Variants in PDE1C observed in about 807,000 individuals in gnomAD.
PDE1C encodes phosphodiesterase 1C, also known as dual specificity calcium/calmodulin-dependent 3',5'-cyclic nucleotide phosphodiesterase 1C.
Under a neutral mutation model 93.1 loss-of-function variants are expected in PDE1C, and 62 were observed. The ratio of observed to expected loss-of-function variants is 0.67; its 90% CI spans 0.54 to 0.82. The LOEUF (loss-of-function observed/expected upper bound fraction) is 0.82. Ranked by LOEUF, PDE1C falls within the 40% of genes least tolerant of loss-of-function variation. The pLI, the probability that PDE1C is intolerant of heterozygous loss-of-function variation, is 0.00. For missense variants in PDE1C, 742 were observed against 884.6 expected (o/e 0.84, Z 2.04); for synonymous variants, 325 against 310.1 (o/e 1.05, Z -0.50).
At chr7:31,955,176 C>T (rs944122882) in intron 2 of PDE1C, among the ~76,000 whole-genome samples, 3 of 152,236 alleles carry the variant, frequency 2.0e-5, no homozygotes, top group South Asian at 2.1e-4. Context: ...ACAGTGTGAT[C>T]GGATGTAGGG....
At chr7:32,278,992 AT>A (rs1811460136) in intron 1 of PDE1C, among the ~76,000 whole-genome samples, 1 of 152,222 alleles carries the variant, frequency 6.6e-6, no homozygotes, top group Non-Finnish European at 1.5e-5. Context: ...AATTCTGAAA[AT>A]TTACTAAAAA....
At chr7:32,266,779 G>A (rs1810605306) in intron 1 of PDE1C, among the ~76,000 whole-genome samples, 1 of 152,068 alleles carries the variant, frequency 6.6e-6, no homozygotes. Context: ...CAAGGCAGGG[G>A]GCAGTGCAAA....
chr7:31,961,209 C>G (rs1389922412), intron 2 of PDE1C, among the ~76,000 whole-genome samples: 2 of 151,254 alleles, frequency 1.3e-5, no homozygotes, highest in African/African-American at 2.4e-5. Flanking sequence ...CAAAATGTAT[C>G]TACTATTAAA....
intron 2 of PDE1C, among the ~76,000 whole-genome samples, chr7:32,201,421 C>G (rs891861176): frequency 6.6e-6 from 1 of 152,130 alleles, no homozygotes. Flanking sequence ...ATTATCTAAG[C>G]GTGTACACAT....
intron 2 of PDE1C, among the ~76,000 whole-genome samples, chr7:32,039,680 A>G (rs750863196): frequency 2.6e-5 from 4 of 152,190 alleles, no homozygotes; most frequent in Admixed American, 6.5e-5. Flanking sequence ...TTGTCAGGGT[A>G]TACTAAGTAG....
chr7:31,838,438 C>T (rs1791392619), intron 9 of PDE1C, among the ~76,000 whole-genome samples: 1 of 152,074 alleles, frequency 6.6e-6, no homozygotes, highest in African/African-American at 2.4e-5. Flanking sequence ...TCTCATGTTA[C>T]CTCACTTCCA....
intron 1 of PDE1C, among the ~76,000 whole-genome samples, chr7:32,229,148 G>T (rs185854144): frequency 1.8e-4 from 27 of 152,312 alleles, no homozygotes; most frequent in Non-Finnish European, 3.1e-4. Context: ...TCACATTTCA[G>T]AGCAACTTCT....
intron 3 of PDE1C, among the ~76,000 whole-genome samples, chr7:32,149,853 A>C (rs530138893): frequency 9.2e-5 from 14 of 152,322 alleles, no homozygotes; most frequent in African/African-American, 3.1e-4. Context: ...TTAAACAAAC[A>C]GGCAAACAGG....
chr7:31,839,648 A>G (rs983461549), intron 9 of PDE1C, among the ~76,000 whole-genome samples: 2 of 152,222 alleles, frequency 1.3e-5, no homozygotes, highest in African/African-American at 4.8e-5. Flanking sequence ...ATGGGTATTC[A>G]TACATAAATC....
intron 2 of PDE1C, among the ~76,000 whole-genome samples, chr7:32,207,734 C>T (rs934138586): frequency 6.6e-6 from 1 of 152,156 alleles, no homozygotes; most frequent in Non-Finnish European, 1.5e-5. Flanking sequence ...GCTTTGAAGA[C>T]ACATCATCCT....
At chr7:32,042,158 G>C (rs1002835247) in intron 2 of PDE1C, among the ~76,000 whole-genome samples, 3 of 152,062 alleles carry the variant, frequency 2.0e-5, no homozygotes, top group Non-Finnish European at 4.4e-5. Context: ...GAAGTAGCTG[G>C]GCATGATGGC....
chr7:32,312,922 A>T (rs1783082774), intron 1 of PDE1C, among the ~76,000 whole-genome samples: 1 of 152,236 alleles, frequency 6.6e-6, no homozygotes, highest in Non-Finnish European at 1.5e-5. Flanking sequence ...ATTAAACTAA[A>T]GAGCTTCTGC....
chr7:31,646,500 T>C, the PDE1C span, among the ~76,000 whole-genome samples: 43 of 152,244 alleles, frequency 2.8e-4, no homozygotes, highest in African/African-American at 9.9e-4. Context: ...AGATTCCTCA[T>C]GGTAAGGACA....
intron 3 of PDE1C, chr7:32,078,149 T>A: frequency 2.3e-6 from 1 of 432,624 alleles, no homozygotes; most frequent in South Asian, 9.6e-5. Context: ...GTTCTTCCTA[T>A]CACTGTAAAG....
intron 16 of PDE1C, among the ~76,000 whole-genome samples, chr7:31,794,049 C>T (rs200766284): frequency 0.026 from 3,307 of 125,072 alleles, 45 homozygotes; most frequent in African/African-American, 0.058. Flanking sequence ...GATAGACAGA[C>T]AGACAGACAG....
At chr7:32,055,389 C>T (rs1316834222) in intron 1 of PDE1C, among the ~76,000 whole-genome samples, 7 of 152,012 alleles carry the variant, frequency 4.6e-5, no homozygotes, top group African/African-American at 1.7e-4. Flanking sequence ...GAGGTTCTAC[C>T]TACTTTCGAC....
At chr7:32,004,144 C>T (rs1438363928) in intron 2 of PDE1C, among the ~76,000 whole-genome samples, 1 of 152,064 alleles carries the variant, frequency 6.6e-6, no homozygotes, top group East Asian at 1.9e-4. Flanking sequence ...ATCCCTGCAT[C>T]CCAAGATCAC....
intron 2 of PDE1C, among the ~76,000 whole-genome samples, chr7:31,883,634 C>T (rs78825686): frequency 0.052 from 7,872 of 152,208 alleles, 329 homozygotes; most frequent in African/African-American, 0.12. Flanking sequence ...TTAACAATTC[C>T]CACTCCTGGG....
At chr7:32,270,172 TA>T (rs1001238739) in intron 1 of PDE1C, among the ~76,000 whole-genome samples, 7 of 151,494 alleles carry the variant, frequency 4.6e-5, no homozygotes, top group East Asian at 1.9e-4. Flanking sequence ...GTTTGCTTTG[TA>T]AAAAAAAATC....
Sources: allele counts gnomAD v4.1 joint callset (sites outside exome capture counted in the v4.1 genomes callset), GRCh38; gene constraint gnomAD v4.1.1; transcripts MANE v1.5; gene names NCBI Gene and HGNC (gene_info 2026-07-23, HGNC 2026-07-21).